The following TTC7A variants were observed in gnomAD, a reference collection of about 807,000 sequenced individuals.
TTC7A encodes tetratricopeptide repeat protein 7A.
Under a neutral mutation model 103.7 loss-of-function variants are expected in TTC7A, and 110 were observed. The observed-to-expected ratio is 1.06, with a 90% CI of 0.91 to 1.24. The LOEUF (loss-of-function observed/expected upper bound fraction) is 1.24. Among genes scored for constraint, TTC7A ranks in the 50% most tolerant of loss-of-function variants. The pLI is 0.00. For synonymous variants in TTC7A, 521 were observed against 467.9 expected (o/e 1.11, Z -1.47); for missense variants, 1,340 against 1,116.3 (o/e 1.20, Z -2.86).
chr2:47,039,210 C>T (rs563724909), intron 15 of TTC7A, among the ~76,000 whole-genome samples: 77 of 152,224 alleles, frequency 5.1e-4, no homozygotes, highest in Non-Finnish European at 9.3e-4. Flanking sequence ...CCTGTCTCAA[C>T]AGGGAAGTGG....
intron 15 of TTC7A, 142 bp downstream of exon 15, chr2:47,029,526 CAG>C (rs1330042222): frequency 2.3e-5 from 23 of 987,844 alleles, no homozygotes; most frequent in Admixed American, 8.2e-5. Flanking sequence ...GGTGGAGAGA[CAG>C]GGGTGAGGAC....
chr2:46,961,138 CAT>C (rs1672334247), intron 3 of TTC7A, among the ~76,000 whole-genome samples: 1 of 152,226 alleles, frequency 6.6e-6, no homozygotes, highest in Non-Finnish European at 1.5e-5. Context: ...CCTGACCAAA[CAT>C]GTCAGATCAG....
intron 16 of TTC7A, chr2:47,047,345 G>C: frequency 6.5e-7 from 1 of 1,541,060 alleles, no homozygotes. Context: ...AGGGTAATCA[G>C]ACAGAGTAAA....
chr2:47,069,267 C>T (rs1316042421), intron 19 of TTC7A, among the ~76,000 whole-genome samples: 1 of 152,188 alleles, frequency 6.6e-6, no homozygotes, highest in Non-Finnish European at 1.5e-5. Flanking sequence ...CAGAGTCCCC[C>T]AGGATGTGAC....
chr2:46,949,582 C>A (rs1671228389), intron 1 of TTC7A, among the ~76,000 whole-genome samples: 1 of 152,174 alleles, frequency 6.6e-6, no homozygotes, highest in Admixed American at 6.5e-5. Flanking sequence ...TGCAAATGAG[C>A]TACCCTCATT....
chr2:46,928,999 C>T (rs937180754), intron 2 of TTC7A, among the ~76,000 whole-genome samples: 1 of 151,668 alleles, frequency 6.6e-6, no homozygotes, highest in Non-Finnish European at 1.5e-5. Context: ...TCTGTCTCTA[C>T]TAAAAATACA....
intron 2 of TTC7A, chr2:46,956,510 CT>C (rs1383191760): frequency 5.5e-4 from 158 of 287,226 alleles, no homozygotes; most frequent in African/African-American, 2.6e-3. Context: ...TGAGTGCCCC[CT>C]GGGGCTGCAG....
chr2:46,953,223 G>A (rs1671558222), intron 2 of TTC7A, among the ~76,000 whole-genome samples: 1 of 152,106 alleles, frequency 6.6e-6, no homozygotes, highest in Non-Finnish European at 1.5e-5. Context: ...GCGTGAACAT[G>A]GCTCACTGCA....
At position 46,945,753 on chromosome 2, in the gene TTC7A, A is replaced by G. The variant is rs546137056; in HGVS notation, c.184+4028A>G. 1.9e-4 allele frequency among the ~76,000 whole-genome samples: 29 copies of G among 151,904 alleles called. No individual in the cohort carries two copies. In the East Asian group the frequency reaches 5.4e-3, roughly 28 times the overall value. On this transcript the variant is annotated intron_variant, in intron 1 of 19. Transcript: ENST00000319190. Reference sequence around the variant, plus strand: ...GCCCCACTTTTTTTTTCTTCTTCTTAAGACTGGAGATTGTTTTGAACATTT... The same window carrying G: ...GCCCCACTTTTTTTTTCTTCTTCTTGAGACTGGAGATTGTTTTGAACATTT...
At chr2:46,977,231 T>G (rs1347207786) in intron 4 of TTC7A, among the ~76,000 whole-genome samples, 1 of 152,200 alleles carries the variant, frequency 6.6e-6, no homozygotes, top group African/African-American at 2.4e-5. Flanking sequence ...AATGGGACCC[T>G]ATAGTTGTTA....
chr2:46,973,657 A>G (rs1673578559), intron 3 of TTC7A, among the ~76,000 whole-genome samples: 1 of 152,214 alleles, frequency 6.6e-6, no homozygotes, highest in South Asian at 2.1e-4. Context: ...TCAGCTCCAG[A>G]TACCTTCACA....
intron 11 of TTC7A, among the ~76,000 whole-genome samples, chr2:47,017,403 G>A (rs1459321650): frequency 5.9e-5 from 9 of 151,388 alleles, no homozygotes; most frequent in Admixed American, 5.9e-4. Context: ...CTGGTGCAAT[G>A]GTGCGTGCCT....
intron 4 of TTC7A, 34 bp from the exon 5 acceptor site, chr2:46,978,758 G>T: frequency 6.3e-7 from 1 of 1,586,100 alleles, no homozygotes; most frequent in South Asian, 1.1e-5. Context: ...TCAGAACTTT[G>T]AGACAATGGC....
At chr2:47,035,826 G>A (rs959425183) in intron 15 of TTC7A, among the ~76,000 whole-genome samples, 3 of 152,118 alleles carry the variant, frequency 2.0e-5, no homozygotes, top group Admixed American at 1.3e-4. Flanking sequence ...GCCTTTTTGC[G>A]CCTGGGAGAA....
chr2:46,924,950 A>G (rs542501583), intron 2 of TTC7A, among the ~76,000 whole-genome samples: 1 of 152,208 alleles, frequency 6.6e-6, no homozygotes, highest in South Asian at 2.1e-4. Flanking sequence ...TTTCAAGAGT[A>G]CTCTTAGTTT....
chr2:47,051,253 G>A (rs1441010067), intron 17 of TTC7A, among the ~76,000 whole-genome samples: 1 of 152,074 alleles, frequency 6.6e-6, no homozygotes. Context: ...TTTTTTCCAT[G>A]CCCATATTTC....
chr2:47,021,757 A>T (rs1679309775), intron 11 of TTC7A, 105 bp from the exon 12 acceptor site: 6 of 865,496 alleles, frequency 6.9e-6, no homozygotes, highest in Non-Finnish European at 1.1e-5. Context: ...AGGCCCTGTG[A>T]CCTTGAGCAC....
intron 5 of TTC7A, among the ~76,000 whole-genome samples, chr2:46,982,583 C>G (rs12998344): frequency 0.17 from 25,975 of 152,136 alleles, 2,383 homozygotes; most frequent in Admixed American, 0.2. Context: ...TATCTGTAAG[C>G]TGGTGGTAAG....
At chr2:46,917,576 A>C (rs756696782) in intron 2 of TTC7A, among the ~76,000 whole-genome samples, 2 of 152,234 alleles carry the variant, frequency 1.3e-5, no homozygotes, top group Non-Finnish European at 2.9e-5. Context: ...AGATGGATAA[A>C]GTGTCCTCAT....
Sources: allele counts gnomAD v4.1 joint callset (sites outside exome capture counted in the v4.1 genomes callset), GRCh38; gene constraint gnomAD v4.1.1; transcripts MANE v1.5; gene names NCBI Gene and HGNC (gene_info 2026-07-23, HGNC 2026-07-21).